The following SH3KBP1 variants were observed in gnomAD, a reference collection of about 807,000 sequenced individuals.
SH3KBP1 encodes SH3 domain-containing kinase-binding protein 1.
In SH3KBP1, 8 loss-of-function variants were observed where a neutral mutation model predicts 50.1. The ratio of observed to expected loss-of-function variants is 0.16; its 90% CI spans 0.09 to 0.29. The LOEUF is 0.29. Ranked by LOEUF, SH3KBP1 falls within the 10% of genes least tolerant of loss-of-function variation. The pLI is 1.00. For missense variants in SH3KBP1, 377 were observed against 535.2 expected (o/e 0.70, Z 2.92); for synonymous variants, 227 against 218.6 (o/e 1.04, Z -0.34).
intron 2 of SH3KBP1, among the ~76,000 whole-genome samples, chrX:19,813,582 G>A (rs1188637909): frequency 1.8e-5 from 2 of 111,718 alleles, no homozygotes; most frequent in Non-Finnish European, 3.8e-5. Context: ...TCCAGAACTC[G>A]TCTTGTAATT....
At chrX:19,721,124 C>T (rs979005435) in intron 3 of SH3KBP1, among the ~76,000 whole-genome samples, 14 of 110,885 alleles carry the variant, frequency 1.3e-4, no homozygotes, top group East Asian at 8.4e-4. Context: ...GGGGAGGAAG[C>T]CTAGGTATTT....
chrX:19,863,463 G>A (rs951972127), intron 1 of SH3KBP1, among the ~76,000 whole-genome samples: 1 of 112,387 alleles, frequency 8.9e-6, no homozygotes, highest in Non-Finnish European at 1.9e-5. Flanking sequence ...TCCCAGTCAT[G>A]GGACCGTGGG....
chrX:19,841,911 C>CG (rs1188653972), intron 1 of SH3KBP1, among the ~76,000 whole-genome samples: 4 of 7,792 alleles, frequency 5.1e-4, no homozygotes, highest in East Asian at 1.5e-3. Flanking sequence ...TTGATGCGGG[C>CG]GGGGGGGTGG....
chrX:19,756,245 T>C (rs779915034), intron 2 of SH3KBP1, among the ~76,000 whole-genome samples: 3 of 110,909 alleles, frequency 2.7e-5, no homozygotes, highest in Admixed American at 1.9e-4. Context: ...ATAGTATATA[T>C]TACATACTAT....
At position 19,608,021 on chromosome X, in the gene SH3KBP1, C is replaced by G. The variant is rs1418387591; in HGVS notation, c.922G>C (p.Glu308Gln). ...CCTCGTCTGCCGTTCAGCTCTCCTT[C>G]CCACCAGCCTACGTCGATGCAGTCC... Reference protein sequence around the residue: ...NKDCIDVGWWEGELNGRRGVF... With the variant: ...NKDCIDVGWWQGELNGRRGVF... The change falls in exon 9 of 18, where the codon GAA becomes CAA. Residue 308 changes from glutamate to glutamine, a missense_variant. By Grantham distance (29) the Glu-to-Gln change is conservative. Transcript: ENST00000397821. 2 of 1,209,540 alleles carry G rather than the reference C, an allele frequency of 1.7e-6. No homozygotes were observed. The highest frequency in any genetic ancestry group is 5.9e-5 in the East Asian group (2 of 33,737).
At chrX:19,782,111 A>C (rs1364843081) in intron 2 of SH3KBP1, among the ~76,000 whole-genome samples, 1 of 111,697 alleles carries the variant, frequency 9.0e-6, no homozygotes, top group Admixed American at 9.5e-5. Flanking sequence ...CCTGAGATGA[A>C]GAGATCATTC....
chrX:19,577,019 G>A (rs1436280927), intron 12 of SH3KBP1, among the ~76,000 whole-genome samples: 1 of 112,284 alleles, frequency 8.9e-6, no homozygotes, highest in Non-Finnish European at 1.9e-5. Flanking sequence ...TTTGGCCAAG[G>A]CTTTTTGAGC....
At position 19,553,073 on chromosome X, in the gene SH3KBP1, T is replaced by A. The variant is rs770557466; in HGVS notation, c.1385-2990A>T. On this transcript the variant is annotated intron_variant, in intron 13 of 17. Coordinates refer to ENST00000397821, the MANE Select transcript of SH3KBP1 (RefSeq NM_031892.3). ...AATGGTGGCCAAAGGCTCGAATGAT[T>A]GGTGACAGGTCAGACACACTGCAGC... Among the ~76,000 whole-genome samples, 3 of 111,238 alleles carry A rather than the reference T, an allele frequency of 2.7e-5. No individual in the cohort carries two copies. In the East Asian group the frequency reaches 8.6e-4, roughly 32 times the overall value.
chrX:19,682,258 T>C (rs372528526), intron 6 of SH3KBP1, among the ~76,000 whole-genome samples: 4 of 109,858 alleles, frequency 3.6e-5, no homozygotes, highest in Non-Finnish European at 5.7e-5. Context: ...ATATTTGACA[T>C]TGACATTGCT....
At chrX:19,689,907 A>C (rs929518284) in intron 5 of SH3KBP1, among the ~76,000 whole-genome samples, 2 of 111,892 alleles carry the variant, frequency 1.8e-5, no homozygotes, top group African/African-American at 6.5e-5. Flanking sequence ...GATGCCACAG[A>C]GTGGGATTTG....
chrX:19,680,431 A>G (rs918790636), intron 6 of SH3KBP1, among the ~76,000 whole-genome samples: 1 of 109,484 alleles, frequency 9.1e-6, no homozygotes, highest in Non-Finnish European at 1.9e-5. Context: ...AAAGTATAAT[A>G]TGATGCTCAC....
At chrX:19,662,199 C>T in intron 6 of SH3KBP1, among the ~76,000 whole-genome samples, 1 of 111,831 alleles carries the variant, frequency 8.9e-6, no homozygotes, top group East Asian at 2.8e-4. Flanking sequence ...TATCATCACC[C>T]TTTACTACTT....
At chrX:19,739,952 A>T (rs1021848263) in intron 3 of SH3KBP1, among the ~76,000 whole-genome samples, 2 of 110,763 alleles carry the variant, frequency 1.8e-5, no homozygotes, top group African/African-American at 6.6e-5. Context: ...CCCATGACTA[A>T]CCCATGGGAG....
intron 8 of SH3KBP1, among the ~76,000 whole-genome samples, chrX:19,621,012 G>GTTTTT (rs57010197): frequency 1.5e-5 from 1 of 68,720 alleles, no homozygotes; most frequent in Non-Finnish European, 2.7e-5. Flanking sequence ...GTTCAGGTTG[G>GTTTTT]TTTTTTTTTT....
intron 13 of SH3KBP1, among the ~76,000 whole-genome samples, chrX:19,565,018 C>A (rs1328367943): frequency 9.7e-6 from 1 of 103,204 alleles, no homozygotes; most frequent in Non-Finnish European, 2.0e-5. Context: ...AAGGTTTGGG[C>A]TCATGGGTCA....
chrX:19,779,530 A>C, intron 2 of SH3KBP1, among the ~76,000 whole-genome samples: 1 of 94,936 alleles, frequency 1.1e-5, no homozygotes, highest in African/African-American at 3.9e-5. Flanking sequence ...GCACCCACTA[A>C]CTCGTCATCT....
At chrX:19,743,713 C>G (rs1161728704) in intron 3 of SH3KBP1, among the ~76,000 whole-genome samples, 1 of 112,277 alleles carries the variant, frequency 8.9e-6, no homozygotes, top group Non-Finnish European at 1.9e-5. Context: ...CAAAGTGAGG[C>G]ATGTCACAAG....
At chrX:19,812,066 C>T (rs919696913) in intron 2 of SH3KBP1, among the ~76,000 whole-genome samples, 2 of 111,699 alleles carry the variant, frequency 1.8e-5, no homozygotes, top group African/African-American at 3.3e-5. Flanking sequence ...ACTCGGACAA[C>T]TTCTCAGCTT....
chrX:19,645,280 A>C, intron 7 of SH3KBP1, 120 bp downstream of exon 7: 1 of 536,232 alleles, frequency 1.9e-6, no homozygotes, highest in Non-Finnish European at 3.2e-6. Context: ...AATTGTGTAC[A>C]TTTTTCTGAT....
Sources: gnomAD v4.1 joint callset for allele counts (sites outside exome capture counted in the v4.1 genomes callset) on GRCh38, gnomAD v4.1.1 for gene constraint, MANE v1.5 for transcripts, NCBI Gene and HGNC (gene_info 2026-07-23, HGNC 2026-07-21) for gene names.